The following SLC24A2 variants were observed in gnomAD, a reference collection of about 807,000 sequenced individuals.
SLC24A2 encodes sodium/potassium/calcium exchanger 2.
A neutral mutation model predicts 62.0 loss-of-function variants in SLC24A2; 36 were observed. The observed-to-expected ratio is 0.58, with a 90% confidence interval of 0.44 to 0.77. SLC24A2 has a LOEUF of 0.77. Among genes scored for constraint, SLC24A2 ranks in the 30% least tolerant of loss-of-function variants. SLC24A2 has a pLI of 0.00. For synonymous variants in SLC24A2, 358 were observed against 294.0 expected (o/e 1.22, Z -2.23); for missense variants, 846 against 817.9 (o/e 1.03, Z -0.42).
the SLC24A2 span, among the ~76,000 whole-genome samples, chr9:19,851,685 T>A: frequency 0.024 from 3,723 of 152,284 alleles, 142 homozygotes; most frequent in African/African-American, 0.084. Flanking sequence ...TGCATAGTAT[T>A]CCATGGTGTG....
At chr9:19,745,664 GCC>G (rs1821812040) in intron 2 of SLC24A2, among the ~76,000 whole-genome samples, 1 of 152,110 alleles carries the variant, frequency 6.6e-6, no homozygotes, top group African/African-American at 2.4e-5. Context: ...TCTGAATTTT[GCC>G]CCACAGCTTC....
intron 5 of SLC24A2, among the ~76,000 whole-genome samples, chr9:19,595,380 T>C (rs75966818): frequency 0.015 from 2,335 of 152,232 alleles, 69 homozygotes; most frequent in African/African-American, 0.054. Context: ...CCCATCACTG[T>C]AATGGGGATA....
At chr9:19,707,338 C>A (rs1045199209) in intron 2 of SLC24A2, among the ~76,000 whole-genome samples, 2 of 152,210 alleles carry the variant, frequency 1.3e-5, no homozygotes, top group African/African-American at 4.8e-5. Context: ...CAAGGAGGAG[C>A]TGGTACCATT....
the SLC24A2 span, among the ~76,000 whole-genome samples, chr9:20,087,181 C>A: frequency 3.3e-5 from 5 of 152,144 alleles, no homozygotes; most frequent in East Asian, 9.6e-4. Flanking sequence ...TCATTCTGGT[C>A]CCAAATGTGG....
intron 2 of SLC24A2, among the ~76,000 whole-genome samples, chr9:19,729,817 G>T (rs1001273658): frequency 2.0e-5 from 3 of 152,028 alleles, no homozygotes; most frequent in Non-Finnish European, 4.4e-5. Flanking sequence ...ACTATAGAAT[G>T]CCTATAGTTA....
chr9:20,113,276 A>G, the SLC24A2 span, among the ~76,000 whole-genome samples: 1 of 152,100 alleles, frequency 6.6e-6, no homozygotes, highest in Non-Finnish European at 1.5e-5. Context: ...CCTGGAGCCA[A>G]ATCCTGGCTG....
At chr9:19,698,277 A>T (rs1425647798) in intron 2 of SLC24A2, among the ~76,000 whole-genome samples, 2 of 151,886 alleles carry the variant, frequency 1.3e-5, no homozygotes, top group Non-Finnish European at 2.9e-5. Context: ...TATACAAAAA[A>T]TTAACAAAAA....
intron 2 of SLC24A2, among the ~76,000 whole-genome samples, chr9:19,747,790 C>T (rs1396316403): frequency 6.6e-6 from 1 of 152,182 alleles, no homozygotes; most frequent in Admixed American, 6.6e-5. Flanking sequence ...ACACACCACA[C>T]ACACGAAGGC....
At position 19,599,445 on chromosome 9, in the gene SLC24A2, A is replaced by G. The variant is rs965262764; in HGVS notation, c.1079-2166T>C. ...CAGGTGTTGTGGCAACTCAAGGCGCACTGAGGAAGCAGTGGAAGGGAATGG... is the reference window on the plus strand; with the variant it reads ...CAGGTGTTGTGGCAACTCAAGGCGCGCTGAGGAAGCAGTGGAAGGGAATGG... On this transcript the variant is annotated intron_variant, in intron 4 of 10. Coordinates refer to ENST00000341998, the MANE Select transcript of SLC24A2 (RefSeq NM_020344.4). This position sits in a 1 kb window ranked among gnomAD's most constrained non-coding sequence, Gnocchi z 4.5. Among the ~76,000 whole-genome samples the G allele has an allele frequency of 1.2e-4, 19 of 152,220 alleles. No individual in the cohort carries two copies. Among genetic ancestry groups the G allele is most frequent in the African/African-American group, 4.6e-4 (19 of 41,454 alleles).
At chr9:19,848,366 A>G in the SLC24A2 span, among the ~76,000 whole-genome samples, 2 of 152,202 alleles carry the variant, frequency 1.3e-5, no homozygotes, top group African/African-American at 2.4e-5. Context: ...GTTATCTCTT[A>G]GCTGTGTTAT....
the SLC24A2 span, among the ~76,000 whole-genome samples, chr9:20,157,027 G>C: frequency 6.6e-6 from 1 of 151,546 alleles, no homozygotes; most frequent in Non-Finnish European, 1.5e-5. Context: ...TTGAGCCAAA[G>C]CAATAAGACA....
chr9:19,877,245 C>T, the SLC24A2 span, among the ~76,000 whole-genome samples: 1 of 150,132 alleles, frequency 6.7e-6, no homozygotes, highest in South Asian at 2.2e-4. Flanking sequence ...GGGAAGCAAG[C>T]TGGAGACTGC....
the SLC24A2 span, among the ~76,000 whole-genome samples, chr9:19,954,931 T>C: frequency 1.3e-5 from 2 of 152,168 alleles, no homozygotes; most frequent in African/African-American, 4.8e-5. Flanking sequence ...AAATTATGTA[T>C]GTAGATGGTA....
At chr9:19,814,507 G>A in the SLC24A2 span, among the ~76,000 whole-genome samples, 1 of 152,160 alleles carries the variant, frequency 6.6e-6, no homozygotes, top group Non-Finnish European at 1.5e-5. Flanking sequence ...ACAACCTTGA[G>A]GTAGTAATTG....
the SLC24A2 span, among the ~76,000 whole-genome samples, chr9:20,193,831 T>C: frequency 2.6e-5 from 4 of 152,152 alleles, no homozygotes; most frequent in Non-Finnish European, 4.4e-5. Context: ...GTTTTTGTTT[T>C]GTTTTGTTTT....
the SLC24A2 span, among the ~76,000 whole-genome samples, chr9:20,268,482 T>C: frequency 6.6e-6 from 1 of 151,974 alleles, no homozygotes; most frequent in South Asian, 2.1e-4. Context: ...ATCATGGGAG[T>C]GGCACTGAAG....
At chr9:19,546,353 G>A (rs964393781) in intron 8 of SLC24A2, among the ~76,000 whole-genome samples, 2 of 152,176 alleles carry the variant, frequency 1.3e-5, no homozygotes, top group African/African-American at 4.8e-5. Flanking sequence ...ATGTTTGGGG[G>A]TACTGCCTTT....
the SLC24A2 span, chr9:19,928,861 C>G: frequency 2.6e-5 from 4 of 152,104 alleles, no homozygotes; most frequent in Admixed American, 1.3e-4. Context: ...TTCTTTAACA[C>G]AGAAAAAAGG....
intron 4 of SLC24A2, among the ~76,000 whole-genome samples, chr9:19,615,576 G>A (rs1469812536): frequency 1.3e-5 from 2 of 152,206 alleles, no homozygotes; most frequent in Non-Finnish European, 2.9e-5. Context: ...CTGCTATGGA[G>A]CAATTTTAAA....
Sources: allele counts gnomAD v4.1 joint callset (sites outside exome capture counted in the v4.1 genomes callset), GRCh38; gene constraint gnomAD v4.1.1; non-coding constraint Gnocchi (gnomAD v3.1); transcripts MANE v1.5; gene names NCBI Gene and HGNC (gene_info 2026-07-23, HGNC 2026-07-21).